USP9X: variants seen among roughly 807,000 people sequenced by gnomAD.
The protein encoded by USP9X is ubiquitin specific peptidase 9 X-linked, also known as ubiquitin carboxyl-terminal hydrolase 9X.
Under a neutral mutation model 190.3 loss-of-function variants are expected in USP9X, and 7 were observed. The observed-to-expected ratio is 0.04, with a 90% CI of 0.02 to 0.07. USP9X has a LOEUF of 0.07. USP9X is among the 10% of genes least tolerant of loss of function. The probability of loss-of-function intolerance (pLI) is 1.00; values close to 1 mark genes in which losing one functional copy is unlikely to be tolerated. For synonymous variants in USP9X, 645 were observed against 659.5 expected (o/e 0.98, Z 0.34); for missense variants, 1,010 against 1,916.9 (o/e 0.53, Z 8.83).
Position 41,218,363 on chromosome X carries a change from T to G in USP9X, c.6210-9T>G. On this transcript the variant is annotated splice_polypyrimidine_tract_variant and intron_variant, in intron 36 of 44. Transcript: ENST00000378308. ...CTTAATAGTCATAGGTTTTTTTGTT[T>G]TATTTTAGGTATGATGCATTGTGTA... 8.3e-7 allele frequency: 1 copy of G among 1,207,570 alleles called. No homozygotes were observed. The highest frequency in any genetic ancestry group is 3.0e-5 in the East Asian group (1 of 33,828).
At chrX:41,119,787 G>A (rs968272995) in intron 1 of USP9X, among the ~76,000 whole-genome samples, 2 of 112,340 alleles carry the variant, frequency 1.8e-5, no homozygotes, top group African/African-American at 3.2e-5. Flanking sequence ...CCAAGATTGC[G>A]CCACTGCACT....
intron 14 of USP9X, among the ~76,000 whole-genome samples, chrX:41,159,568 C>T (rs1478790723): frequency 9.2e-6 from 1 of 108,468 alleles, no homozygotes; most frequent in Non-Finnish European, 1.9e-5. Flanking sequence ...CTTGCTCTGT[C>T]GCCCAGGCTG....
At position 41,141,237 on chromosome X, in the gene USP9X, AAAT is replaced by A; in HGVS notation, c.1022+24_1022+26del. ...ACTTAGGTAAGATACTTACCTCTTG[AAAT>A]AATTGTTAATGCCGATTTTAGAATC... On this transcript the variant is annotated intron_variant, in intron 8 of 44. Transcript: ENST00000378308. The A allele has an allele frequency of 2.5e-6, 3 of 1,195,120 alleles. No homozygotes were observed. The highest frequency in any genetic ancestry group is 3.4e-6 in the Non-Finnish European group (3 of 887,886).
chrX:41,150,062 A>G (rs1351696423), intron 12 of USP9X, among the ~76,000 whole-genome samples: 2 of 110,945 alleles, frequency 1.8e-5, no homozygotes, highest in Non-Finnish European at 3.8e-5. Context: ...TAAAAGGATT[A>G]ATATCACTTA....
At chrX:41,094,454 G>T (rs1326842605) in intron 1 of USP9X, among the ~76,000 whole-genome samples, 1 of 109,699 alleles carries the variant, frequency 9.1e-6, no homozygotes. Context: ...GGGATTACAG[G>T]TGTGAGCCAC....
chrX:41,099,098 T>G (rs1024890666), intron 1 of USP9X, among the ~76,000 whole-genome samples: 1 of 40,634 alleles, frequency 2.5e-5, no homozygotes, highest in South Asian at 9.7e-4. Flanking sequence ...AGATAATTGT[T>G]TTTTTTTTTT....
chrX:41,206,202 C>A (rs1175725237), intron 32 of USP9X, among the ~76,000 whole-genome samples: 1 of 111,630 alleles, frequency 9.0e-6, no homozygotes, highest in Admixed American at 9.6e-5. Flanking sequence ...CTACCTATTT[C>A]TTTCTAGATT....
intron 1 of USP9X, among the ~76,000 whole-genome samples, chrX:41,097,262 A>G (rs1009806742): frequency 8.9e-6 from 1 of 112,375 alleles, no homozygotes; most frequent in Non-Finnish European, 1.9e-5. Context: ...GGGAAATAGT[A>G]TTTAGGGGGA....
At chrX:41,117,143 A>G (rs1445156138) in intron 1 of USP9X, among the ~76,000 whole-genome samples, 1 of 111,740 alleles carries the variant, frequency 8.9e-6, no homozygotes, top group African/African-American at 3.3e-5. Flanking sequence ...TATAAGAGAT[A>G]GGGATAGCAA....
intron 31 of USP9X, 78 bp downstream of exon 31, chrX:41,201,358 A>T (rs1005583674): frequency 8.5e-5 from 82 of 960,393 alleles, no homozygotes; most frequent in Non-Finnish European, 1.1e-4. Flanking sequence ...AGAGAGTGTT[A>T]TACTTTCATC....
chrX:41,178,083 T>C (rs1395615934), intron 21 of USP9X, among the ~76,000 whole-genome samples: 1 of 72,885 alleles, frequency 1.4e-5, no homozygotes, highest in Non-Finnish European at 2.7e-5. Context: ...GAGGTTTAAA[T>C]CTTTTTTTTT....
intron 21 of USP9X, among the ~76,000 whole-genome samples, chrX:41,178,689 T>C (rs772514669): frequency 8.9e-6 from 1 of 112,001 alleles, no homozygotes; most frequent in East Asian, 2.8e-4. Flanking sequence ...TTATTTCCTT[T>C]GTTGGGTAGA....
Position 41,104,800 on chromosome X carries a change from A to G in USP9X, c.-158-18671A>G, listed in dbSNP as rs555430513. The stretch of plus-strand genomic sequence containing the variant: ...TTAGCCATCTTGAGAGAGAAAAAAA[A>G]AAGATACCTGGAGTTAGAACATCAT... On this transcript the variant is annotated intron_variant, in intron 1 of 44. Coordinates refer to ENST00000378308, the MANE Select transcript of USP9X (RefSeq NM_001039591.3). 6.5e-4 allele frequency among the ~76,000 whole-genome samples: 73 copies of G among 111,501 alleles called. 1 individual carries two copies. In the South Asian group the frequency reaches 0.011, roughly 17 times the overall value.
chrX:41,186,716 A>G, intron 24 of USP9X, 74 bp downstream of exon 24: 5 of 1,079,731 alleles, frequency 4.6e-6, no homozygotes, highest in South Asian at 4.1e-5. Context: ...GTCTCATTCT[A>G]TAGATAATGT....
At chrX:41,119,369 A>G (rs1450157313) in intron 1 of USP9X, among the ~76,000 whole-genome samples, 2 of 111,154 alleles carry the variant, frequency 1.8e-5, no homozygotes, top group Admixed American at 9.6e-5. Flanking sequence ...CAACTTACCT[A>G]CTTTGTCTTC....
At chrX:41,104,768 G>C (rs982719370) in intron 1 of USP9X, among the ~76,000 whole-genome samples, 17 of 111,152 alleles carry the variant, frequency 1.5e-4, no homozygotes, top group Non-Finnish European at 3.0e-4. Context: ...AACAGTCTCT[G>C]GAGGTATTAG....
At chrX:41,155,068 G>A (rs1299514040) in intron 14 of USP9X, among the ~76,000 whole-genome samples, 1 of 111,682 alleles carries the variant, frequency 9.0e-6, no homozygotes, top group Non-Finnish European at 1.9e-5. Flanking sequence ...TAGCTATGAG[G>A]CATTAGGTTA....
At chrX:41,160,878 G>A (rs1344499246) in intron 14 of USP9X, among the ~76,000 whole-genome samples, 2 of 111,933 alleles carry the variant, frequency 1.8e-5, no homozygotes, top group Admixed American at 9.5e-5. Context: ...GTAAAAGGAC[G>A]TTATTGGGAA....
intron 26 of USP9X, among the ~76,000 whole-genome samples, chrX:41,192,267 A>C (rs2062943537): frequency 8.9e-6 from 1 of 112,263 alleles, no homozygotes; most frequent in South Asian, 3.7e-4. Context: ...CAGAAGTTTC[A>C]ACTTAAATGC....
Sources: gnomAD v4.1 joint callset for allele counts (sites outside exome capture counted in the v4.1 genomes callset) on GRCh38, gnomAD v4.1.1 for gene constraint, MANE v1.5 for transcripts, NCBI Gene and HGNC (gene_info 2026-07-23, HGNC 2026-07-21) for gene names.